The following CYRIA variants were observed in gnomAD, a reference collection of about 807,000 sequenced individuals.
CYRIA encodes the protein CYFIP-related Rac1 interactor A.
A neutral mutation model predicts 43.9 loss-of-function variants in CYRIA; 15 were observed. The observed-to-expected ratio is 0.34, with a 90% CI of 0.23 to 0.53. The LOEUF is 0.53. CYRIA is among the 20% of genes least tolerant of loss of function. The pLI is 0.94. For synonymous variants in CYRIA, 117 were observed against 136.0 expected (o/e 0.86, Z 0.97); for missense variants, 236 against 394.2 (o/e 0.60, Z 3.40).
At chr2:16,654,476 G>A (rs913575147) in intron 1 of CYRIA, among the ~76,000 whole-genome samples, 5 of 152,092 alleles carry the variant, frequency 3.3e-5, no homozygotes, top group Non-Finnish European at 5.9e-5. Flanking sequence ...AGTCATGGCA[G>A]GAAAAAGGAT....
intron 3 of CYRIA, among the ~76,000 whole-genome samples, chr2:16,573,178 C>G (rs1308765375): frequency 6.6e-6 from 1 of 152,206 alleles, no homozygotes; most frequent in Non-Finnish European, 1.5e-5. Flanking sequence ...ATGCCCAGCC[C>G]TAGGCTGGAC....
At chr2:16,593,755 T>G in intron 2 of CYRIA, among the ~76,000 whole-genome samples, 1 of 136,756 alleles carries the variant, frequency 7.3e-6, no homozygotes, top group Non-Finnish European at 1.5e-5. Context: ...CTCTAAGTTT[T>G]AGGGTACATG....
chr2:16,616,138 G>A (rs1277663758), intron 2 of CYRIA, among the ~76,000 whole-genome samples: 1 of 152,278 alleles, frequency 6.6e-6, no homozygotes, highest in East Asian at 1.9e-4. Context: ...GTGCTCACTT[G>A]GCCGTAGAGT....
chr2:16,588,315 G>C (rs1229162073), intron 2 of CYRIA, among the ~76,000 whole-genome samples, 186 bp from the exon 3 acceptor site: 2 of 151,974 alleles, frequency 1.3e-5, no homozygotes, highest in African/African-American at 4.8e-5. Flanking sequence ...CTGAGGTGCT[G>C]GGTCTCTAAA....
At chr2:16,609,162 C>T (rs1668508420) in intron 2 of CYRIA, among the ~76,000 whole-genome samples, 1 of 152,198 alleles carries the variant, frequency 6.6e-6, no homozygotes, top group Non-Finnish European at 1.5e-5. Context: ...CGGCTGCAGA[C>T]ATTTGCTCAT....
chr2:16,603,339 C>A (rs775064929), intron 2 of CYRIA, among the ~76,000 whole-genome samples: 3 of 152,152 alleles, frequency 2.0e-5, no homozygotes, highest in African/African-American at 7.2e-5. Flanking sequence ...TTTACAACAA[C>A]CATATGAAAT....
At chr2:16,555,371 T>C (rs1666468964) in intron 10 of CYRIA, among the ~76,000 whole-genome samples, 1 of 152,100 alleles carries the variant, frequency 6.6e-6, no homozygotes, top group Admixed American at 6.6e-5. Flanking sequence ...TTTGCAATTG[T>C]ACATTTCACT....
intron 2 of CYRIA, among the ~76,000 whole-genome samples, chr2:16,615,799 C>T (rs545744817): frequency 7.2e-5 from 11 of 152,336 alleles, no homozygotes; most frequent in African/African-American, 1.7e-4. Flanking sequence ...CTGTAACATT[C>T]GGTGGCTCAG....
At chr2:16,587,572 AT>A (rs879477927) in intron 3 of CYRIA, among the ~76,000 whole-genome samples, 5 of 152,116 alleles carry the variant, frequency 3.3e-5, no homozygotes, top group Non-Finnish European at 5.9e-5. Flanking sequence ...AGAAAAAAAA[AT>A]GCATAGTGAC....
chr2:16,567,532 G>C (rs1666983482), intron 3 of CYRIA, among the ~76,000 whole-genome samples: 1 of 152,156 alleles, frequency 6.6e-6, no homozygotes, highest in Admixed American at 6.5e-5. Flanking sequence ...GATCGGTGAG[G>C]AACTGAGGCG....
intron 1 of CYRIA, among the ~76,000 whole-genome samples, chr2:16,628,163 TAAC>T (rs61054127): frequency 3.3e-5 from 5 of 151,550 alleles, no homozygotes; most frequent in South Asian, 2.1e-4. Context: ...CCTAGAATAA[TAAC>T]AACAACAACA....
intron 1 of CYRIA, among the ~76,000 whole-genome samples, chr2:16,661,948 T>TA (rs546443409): frequency 1.7e-4 from 26 of 152,090 alleles, no homozygotes; most frequent in African/African-American, 5.8e-4. Flanking sequence ...TATAGTAACT[T>TA]AAAAAAAAGA....
intron 1 of CYRIA, among the ~76,000 whole-genome samples, chr2:16,648,837 T>C (rs1193151133): frequency 2.0e-5 from 3 of 152,214 alleles, no homozygotes; most frequent in Non-Finnish European, 4.4e-5. Flanking sequence ...GACCACTACA[T>C]TCTAGTGTGA....
chr2:16,583,862 C>G (rs370941642), intron 3 of CYRIA, among the ~76,000 whole-genome samples: 89 of 152,268 alleles, frequency 5.8e-4, no homozygotes, highest in African/African-American at 2.0e-3. Context: ...ATATAGAATG[C>G]ACTGTAAAGG....
intron 3 of CYRIA, among the ~76,000 whole-genome samples, chr2:16,586,945 T>C (rs549088726): frequency 5.3e-4 from 81 of 152,240 alleles, no homozygotes; most frequent in African/African-American, 1.9e-3. Flanking sequence ...ATGAGCTTAG[T>C]TTGAGCAAAC....
rs555344591 is a variant in CYRIA at position 16,623,508 on chromosome 2, A to C, written c.-11+356T>G. ...TTCTCTGACATGGGATCTAAATTCC[A>C]TCTCAGATTGGCTACCAAAGGACCT... On this transcript the variant is annotated intron_variant, in intron 2 of 11. Transcript: ENST00000381323. Among the ~76,000 whole-genome samples the C allele has an allele frequency of 1.4e-4, 22 of 152,326 alleles. No individual in the cohort carries two copies. The South Asian group carries it at 4.3e-3, about 30-fold the overall frequency.
At chr2:16,566,382 A>G (rs1355353567) in intron 3 of CYRIA, among the ~76,000 whole-genome samples, 1 of 152,208 alleles carries the variant, frequency 6.6e-6, no homozygotes, top group African/African-American at 2.4e-5. Context: ...ATCTGAGTGT[A>G]GATGGGAAAA....
At chr2:16,559,336 G>A in intron 10 of CYRIA, 124 bp downstream of exon 10, 1 of 1,148,700 alleles carries the variant, frequency 8.7e-7, no homozygotes, top group South Asian at 1.7e-5. Context: ...CTGCCAGGAT[G>A]GGCTGTGCAT....
chr2:16,612,106 C>T (rs531023546), intron 2 of CYRIA, among the ~76,000 whole-genome samples: 13 of 152,248 alleles, frequency 8.5e-5, no homozygotes, highest in African/African-American at 2.2e-4. Context: ...GAGGTGAAGA[C>T]CCCCTGGATG....
Sources: allele counts gnomAD v4.1 joint callset (sites outside exome capture counted in the v4.1 genomes callset), GRCh38; gene constraint gnomAD v4.1.1; transcripts MANE v1.5; gene names NCBI Gene and HGNC (gene_info 2026-07-23, HGNC 2026-07-21).